MED12L: variants seen among roughly 807,000 people sequenced by gnomAD.
MED12L encodes mediator of RNA polymerase II transcription subunit 12-like protein.
MED12L carries 60 observed loss-of-function variants against 281.3 expected under a neutral mutation model. That is an observed-to-expected ratio of 0.21 (90% CI 0.17 to 0.26). The LOEUF (loss-of-function observed/expected upper bound fraction) is 0.26. Among genes scored for constraint, MED12L ranks in the 10% least tolerant of loss-of-function variants. The pLI is 1.00. For synonymous variants in MED12L, 974 were observed against 987.2 expected (o/e 0.99, Z 0.25); for missense variants, 2,146 against 2,680.9 (o/e 0.80, Z 4.41).
chr3:151,384,535 G>A (rs1229103900), intron 35 of MED12L, among the ~76,000 whole-genome samples: 1 of 152,000 alleles, frequency 6.6e-6, no homozygotes, highest in African/African-American at 2.4e-5. Flanking sequence ...GGACTGGCAC[G>A]TGTAATTGAA....
chr3:151,383,691 AAAAC>A, intron 33 of MED12L, 84 bp from the exon 34 acceptor site: 1 of 807,800 alleles, frequency 1.2e-6, no homozygotes, highest in Non-Finnish European at 2.0e-6. Context: ...TTTTAAATAA[AAAAC>A]AATCAAAATT....
rs113931492 is a variant in MED12L at position 151,317,610 on chromosome 3, C to T, written c.2251-32449C>T. On this transcript the variant is annotated intron_variant, in intron 16 of 44. Transcript: ENST00000687756. ...GGATTACAGGTGCCCACGACTACAC[C>T]CGGCTAATTTTTTGTATTTTTAGTA... is the stretch of plus-strand genomic sequence containing the variant. Among the ~76,000 whole-genome samples the T allele has an allele frequency of 1.5e-3, 229 of 151,480 alleles. 2 individuals are homozygous for T. Among genetic ancestry groups the T allele is most frequent in the African/African-American group, 5.3e-3 (217 of 41,274 alleles).
intron 16 of MED12L, among the ~76,000 whole-genome samples, chr3:151,322,593 C>T (rs142927154): frequency 0.013 from 1,975 of 152,240 alleles, 60 homozygotes; most frequent in African/African-American, 0.045. Context: ...GCTCACCCCA[C>T]TTCCACCTCA....
At chr3:151,212,171 C>T (rs1727278113) in intron 16 of MED12L, 1 of 152,040 alleles carries the variant, frequency 6.6e-6, no homozygotes. Flanking sequence ...GAAATAGATA[C>T]AAACATTACT....
In MED12L at chr3:151,093,015, C is replaced by T. The variant is rs866312749; in HGVS notation, c.99+5990C>T. On this transcript the variant is annotated intron_variant, in intron 2 of 44. Coordinates refer to ENST00000687756, the MANE Select transcript of MED12L (RefSeq NM_001393769.1). ...GTCATTTTTCAGGGTCTGCCAGCCT[C>T]TGCAGCCGAATGTGAAAGATGCTTG... is the stretch of plus-strand genomic sequence containing the variant. Among the ~76,000 whole-genome samples the T allele has an allele frequency of 2.6e-5, 4 of 152,332 alleles. No individual in the cohort carries two copies. The South Asian group carries it at 8.3e-4, about 32-fold the overall frequency.
chr3:151,148,042 A>G (rs185013763), intron 5 of MED12L, among the ~76,000 whole-genome samples: 2 of 152,312 alleles, frequency 1.3e-5, no homozygotes, highest in Admixed American at 6.5e-5. Flanking sequence ...TGTTATTATC[A>G]GTCTTTTTAT....
intron 27 of MED12L, 109 bp downstream of exon 27, chr3:151,372,875 C>T: frequency 1.4e-6 from 1 of 734,956 alleles, no homozygotes; most frequent in Non-Finnish European, 2.2e-6. Flanking sequence ...TTTTCTTGCT[C>T]ACTTTATTTC....
At chr3:151,148,768 T>G (rs1718074391) in intron 5 of MED12L, among the ~76,000 whole-genome samples, 1 of 152,192 alleles carries the variant, frequency 6.6e-6, no homozygotes, top group South Asian at 2.1e-4. Flanking sequence ...GAAAAGGAAG[T>G]AGCTAGGAAA....
At chr3:151,416,901 C>T (rs1159434179) in intron 43 of MED12L, among the ~76,000 whole-genome samples, 2 of 152,176 alleles carry the variant, frequency 1.3e-5, no homozygotes, top group African/African-American at 4.8e-5. Context: ...TCGGATAGTT[C>T]ACTTCTCTAG....
At chr3:151,095,637 A>G (rs969261987) in intron 2 of MED12L, among the ~76,000 whole-genome samples, 2 of 152,162 alleles carry the variant, frequency 1.3e-5, no homozygotes, top group African/African-American at 2.4e-5. Context: ...CCTGCCTACC[A>G]CCGGGTGTAG....
intron 16 of MED12L, chr3:151,294,325 A>G (rs753035114): frequency 1.9e-6 from 3 of 1,614,086 alleles, no homozygotes; most frequent in Non-Finnish European, 2.5e-6. Flanking sequence ...GATCCAGGCA[A>G]ACATTACACG....
At chr3:151,181,854 G>T (rs1048024366) in intron 11 of MED12L, among the ~76,000 whole-genome samples, 1 of 151,968 alleles carries the variant, frequency 6.6e-6, no homozygotes, top group Non-Finnish European at 1.5e-5. Flanking sequence ...TGAAGTGTGG[G>T]ATTATAGGCG....
rs1356743139 is a variant in MED12L, at chr3:151,253,989, AT to A, written c.2250+60329del. 1.3e-4 allele frequency among the ~76,000 whole-genome samples: 16 copies of A among 120,318 alleles called. No homozygotes were observed. The East Asian group carries it at 3.0e-3, about 22-fold the overall frequency. 78.9% of individuals were successfully genotyped at this position (120,318 alleles called of 152,430 possible). A position where few individuals can be genotyped will look rare whatever the true frequency, so the allele number is the denominator to read the frequency against. On this transcript the variant is annotated intron_variant, in intron 16 of 44. Coordinates refer to ENST00000687756, the MANE Select transcript of MED12L (RefSeq NM_001393769.1). ...TTTGATATACCTTCTTTTTGTTTTG[AT>A]TTTTTCTTGTTTTTTTTTTTTGTTA...
intron 16 of MED12L, among the ~76,000 whole-genome samples, chr3:151,208,517 A>C (rs764147446): frequency 3.3e-5 from 5 of 152,142 alleles, no homozygotes; most frequent in Non-Finnish European, 5.9e-5. Context: ...CCCCATCTTT[A>C]CTAAAAATAC....
At chr3:151,241,771 T>C (rs1198321346) in intron 16 of MED12L, 4 of 152,538 alleles carry the variant, frequency 2.6e-5, no homozygotes, top group Non-Finnish European at 5.8e-5. Context: ...AAAAATGAAT[T>C]AGGGGAGGAG....
At chr3:151,123,006 T>C in intron 4 of MED12L, 32 bp downstream of exon 4, 1 of 1,518,780 alleles carries the variant, frequency 6.6e-7, no homozygotes, top group Non-Finnish European at 9.0e-7. Context: ...GTTTTAGTTA[T>C]GGTCTTATAA....
chr3:151,193,827 T>C (rs917773699), intron 16 of MED12L, 161 bp downstream of exon 16: 3 of 553,470 alleles, frequency 5.4e-6, no homozygotes, highest in Non-Finnish European at 9.2e-6. Context: ...CTTAAGCTTA[T>C]GTACTGAGGT....
rs768984130 is a variant in MED12L, at chr3:151,376,164, T to G, written c.4003T>G (p.Cys1335Gly). 3 of 1,608,012 alleles carry G rather than the reference T, an allele frequency of 1.9e-6. No individual in the cohort carries two copies. The highest frequency in any genetic ancestry group is 2.2e-5 in the South Asian group (2 of 90,008). ...LICYPHGIKE[C>G]TEGDNLQRQH... ...CTGTTATCCTCATGGCATTAAAGAA[T>G]GTACCGAGGGGGACAATCTGCAAAG... Residue 1335 changes from cysteine to glycine, a missense_variant, in exon 28 of 45, where the codon TGT becomes GGT. Cys to Gly is a radical substitution (Grantham distance 159). Transcript: ENST00000687756.
intron 17 of MED12L, among the ~76,000 whole-genome samples, chr3:151,352,341 C>T (rs951434407): frequency 5.3e-5 from 8 of 152,166 alleles, no homozygotes; most frequent in Non-Finnish European, 8.8e-5. Context: ...TAAATAGAAA[C>T]ATCATCTGTG....
Sources: gnomAD v4.1 joint callset for allele counts (sites outside exome capture counted in the v4.1 genomes callset) on GRCh38, gnomAD v4.1.1 for gene constraint, MANE v1.5 for transcripts, NCBI Gene and HGNC (gene_info 2026-07-23, HGNC 2026-07-21) for gene names.